The following NECAB1 variants were observed in gnomAD, a reference collection of about 807,000 sequenced individuals.
The protein encoded by NECAB1 is N-terminal EF-hand calcium-binding protein 1.
Under a neutral mutation model 57.5 loss-of-function variants are expected in NECAB1, and 29 were observed. The ratio of observed to expected loss-of-function variants is 0.50; its 90% CI spans 0.38 to 0.69. NECAB1 has a LOEUF of 0.69. NECAB1 is among the 30% of genes least tolerant of loss of function. The probability of loss-of-function intolerance (pLI) is 0.00; values close to 1 mark genes in which losing one functional copy is unlikely to be tolerated. For missense variants in NECAB1, 372 were observed against 413.8 expected (o/e 0.90, Z 0.88); for synonymous variants, 142 against 147.7 (o/e 0.96, Z 0.28).
chr8:90,949,867 T>G lies in NECAB1; in HGVS notation c.921T>G (p.Asn307Lys). The change falls in exon 11 of 13, where the codon AAT becomes AAG. Residue 307 changes from asparagine (N) to lysine (K), a missense_variant. Coordinates refer to ENST00000417640, the MANE Select transcript of NECAB1 (RefSeq NM_022351.5). The part of the protein sequence containing the change: ...SRYMIYEFWE[N>K]SSVWNSHLQT... ...ACATGATCTATGAGTTCTGGGAGAA[T>G]AGTAGTGTATGGAATAGGTAAGTTG... The G allele has an allele frequency of 6.2e-7, 1 of 1,606,784 alleles. No individual in the cohort carries two copies. The highest frequency in any genetic ancestry group is 8.5e-7 in the Non-Finnish European group (1 of 1,174,628).
chr8:90,855,851 C>A (rs1812784156), intron 3 of NECAB1, among the ~76,000 whole-genome samples: 1 of 152,130 alleles, frequency 6.6e-6, no homozygotes, highest in South Asian at 2.1e-4. Context: ...TTCAGCAGGA[C>A]TTGGTCCCTC....
intron 3 of NECAB1, among the ~76,000 whole-genome samples, chr8:90,846,725 G>A (rs1812566850): frequency 6.6e-6 from 1 of 152,222 alleles, no homozygotes; most frequent in African/African-American, 2.4e-5. Flanking sequence ...CAAAAGAGGA[G>A]CAAGTCATGT....
intron 3 of NECAB1, among the ~76,000 whole-genome samples, chr8:90,830,646 C>T (rs1000799254): frequency 2.6e-5 from 4 of 152,030 alleles, no homozygotes; most frequent in Non-Finnish European, 4.4e-5. Context: ...ATCCATGAAC[C>T]GAGGCTTGGC....
chr8:90,886,126 C>A (rs1273740867), intron 5 of NECAB1, among the ~76,000 whole-genome samples: 1 of 152,130 alleles, frequency 6.6e-6, no homozygotes, highest in Non-Finnish European at 1.5e-5. Context: ...AGAGAAGTTA[C>A]ATACCCATGT....
At chr8:90,907,145 T>A (rs2980777) in intron 5 of NECAB1, among the ~76,000 whole-genome samples, 24,235 of 101,474 alleles carry the variant, frequency 0.24, 2,527 homozygotes, top group East Asian at 0.44. Flanking sequence ...TGTGTGTGTG[T>A]GTGTGTGAGA....
rs148818911 is a variant in NECAB1, at chr8:90,941,429, G to A, written c.860+531G>A. Among the ~76,000 whole-genome samples, 683 of 152,112 alleles carry A rather than the reference G, an allele frequency of 4.5e-3. 1 individual carries two copies. Among genetic ancestry groups the A allele is most frequent in the Admixed American group, 9.7e-3 (148 of 15,272 alleles). The stretch of plus-strand genomic sequence containing the variant: ...AGATCTTTTCTTTCCTCTTTCCATG[G>A]GTACCACCCAGCTCAGGCTTCGGAT... On this transcript the variant is annotated intron_variant, in intron 10 of 12. Transcript: ENST00000417640.
At chr8:90,801,939 G>A (rs1051437007) in intron 2 of NECAB1, among the ~76,000 whole-genome samples, 1 of 152,184 alleles carries the variant, frequency 6.6e-6, no homozygotes, top group Non-Finnish European at 1.5e-5. Context: ...GAAGTGAGGA[G>A]CTCTGCCATA....
intron 3 of NECAB1, among the ~76,000 whole-genome samples, chr8:90,828,131 G>GTTTT (rs397961666): frequency 1.4e-5 from 2 of 143,486 alleles, no homozygotes; most frequent in Non-Finnish European, 3.0e-5. Context: ...GTTCACTGCA[G>GTTTT]TTTTTTTTTT....
At chr8:90,895,783 GCCATAGAGGAAGTATT>G (rs992728086) in intron 5 of NECAB1, among the ~76,000 whole-genome samples, 2 of 152,228 alleles carry the variant, frequency 1.3e-5, no homozygotes, top group Non-Finnish European at 2.9e-5. Context: ...CTGGCCTGTG[GCCATAGAGGAAGTATT>G]CCATAGAGAA....
At chr8:90,865,601 T>A (rs1808497757) in intron 3 of NECAB1, among the ~76,000 whole-genome samples, 1 of 152,212 alleles carries the variant, frequency 6.6e-6, no homozygotes, top group African/African-American at 2.4e-5. Context: ...AGTATTTATC[T>A]TGATTATAGG....
intron 10 of NECAB1, among the ~76,000 whole-genome samples, chr8:90,942,836 C>T (rs183172409): frequency 4.6e-5 from 7 of 152,210 alleles, no homozygotes; most frequent in East Asian, 3.9e-4. Context: ...GAGCCGAGAT[C>T]GCGCTACTGC....
intron 2 of NECAB1, among the ~76,000 whole-genome samples, chr8:90,811,756 G>C (rs1404334171): frequency 1.3e-5 from 2 of 152,084 alleles, no homozygotes; most frequent in African/African-American, 4.8e-5. Context: ...TTCTTATCAA[G>C]GTGGTGAGAT....
Position 90,926,544 on chromosome 8 carries a change from C to A in NECAB1, c.616+888C>A, listed in dbSNP as rs574189579. Among the ~76,000 whole-genome samples the A allele has an allele frequency of 2.4e-4, 37 of 152,236 alleles. 1 individual carries two copies. Among genetic ancestry groups the A allele is most frequent in the African/African-American group, 8.7e-4 (36 of 41,550 alleles). ...AGCGACCTTAAAATCTTGATGGTTA[C>A]ACCTGTAGATACTTGTTTTTCTCTC... On this transcript the variant is annotated intron_variant, in intron 7 of 12. Transcript: ENST00000417640.
chr8:90,816,085 T>C (rs1018600589), intron 2 of NECAB1, among the ~76,000 whole-genome samples: 8 of 151,930 alleles, frequency 5.3e-5, no homozygotes, highest in Admixed American at 2.0e-4. Flanking sequence ...ATCTCATTAC[T>C]GTTTAAATTT....
chr8:90,933,291 G>A (rs922494721), intron 8 of NECAB1, among the ~76,000 whole-genome samples: 2 of 152,156 alleles, frequency 1.3e-5, no homozygotes, highest in African/African-American at 2.4e-5. Context: ...GTTTATAGCA[G>A]CACAATTTTC....
At chr8:90,813,011 A>T (rs1811989357) in intron 2 of NECAB1, 1 of 151,928 alleles carries the variant, frequency 6.6e-6, no homozygotes, top group Non-Finnish European at 1.5e-5. Flanking sequence ...ACACGGTGAA[A>T]CCCCGTCTCT....
chr8:90,820,545 T>C (rs1361023356), intron 2 of NECAB1, among the ~76,000 whole-genome samples: 3 of 151,920 alleles, frequency 2.0e-5, no homozygotes, highest in African/African-American at 7.2e-5. Flanking sequence ...TTTGAGAGCA[T>C]AATCATTTTA....
intron 5 of NECAB1, among the ~76,000 whole-genome samples, chr8:90,884,704 A>G (rs761578486): frequency 1.3e-5 from 2 of 152,224 alleles, no homozygotes; most frequent in Non-Finnish European, 1.5e-5. Flanking sequence ...AGCAACCACA[A>G]AAAATACTTT....
Position 90,958,924 on chromosome 8 carries a change from T to C in NECAB1, c.*3412T>C, listed in dbSNP as rs984907544. 6 of 754,984 alleles carry C rather than the reference T, an allele frequency of 7.9e-6. No individual in the cohort carries two copies. Among genetic ancestry groups the C allele is most frequent in the Non-Finnish European group, 1.2e-5 (6 of 491,050 alleles). The allele number at this position is 754,984 out of a possible 1,614,324, so 46.8% of individuals were successfully genotyped here. On this transcript the variant is annotated 3_prime_UTR_variant, in exon 13 of 13. Transcript: ENST00000417640. ...CCATCAAAATTAAGAATAAATTGAA[T>C]TGTCACAGTCCATTACAGTTATTGT...
Sources: allele counts gnomAD v4.1 joint callset (sites outside exome capture counted in the v4.1 genomes callset), GRCh38; gene constraint gnomAD v4.1.1; transcripts MANE v1.5; gene names NCBI Gene and HGNC (gene_info 2026-07-23, HGNC 2026-07-21).